The following ELMOD1 variants were observed in gnomAD, a reference collection of about 807,000 sequenced individuals.
ELMOD1 encodes the protein ELMO domain containing 1.
Under a neutral mutation model 46.7 loss-of-function variants are expected in ELMOD1, and 21 were observed. The ratio of observed to expected loss-of-function variants is 0.45; its 90% CI spans 0.32 to 0.65. ELMOD1 has a LOEUF of 0.65. ELMOD1 is among the 30% of genes least tolerant of loss of function. The pLI, the probability that ELMOD1 is intolerant of heterozygous loss-of-function variation, is 0.04. For missense variants in ELMOD1, 348 were observed against 407.8 expected (o/e 0.85, Z 1.26); for synonymous variants, 122 against 138.2 (o/e 0.88, Z 0.82).
At chr11:107,642,075 C>T (rs1866333857) in intron 6 of ELMOD1, among the ~76,000 whole-genome samples, 1 of 151,108 alleles carries the variant, frequency 6.6e-6, no homozygotes, top group Non-Finnish European at 1.5e-5. Flanking sequence ...TCCCAAGTAG[C>T]TGGGATTACA....
chr11:107,662,969 T>G (rs983612680), intron 11 of ELMOD1, among the ~76,000 whole-genome samples: 3 of 151,250 alleles, frequency 2.0e-5, no homozygotes, highest in Admixed American at 2.0e-4. Context: ...CCTCAAGTGA[T>G]CCTCCTGCCT....
At chr11:107,598,797 G>T (rs1259478615) in intron 1 of ELMOD1, among the ~76,000 whole-genome samples, 2 of 152,232 alleles carry the variant, frequency 1.3e-5, no homozygotes, top group African/African-American at 4.8e-5. Context: ...AGCATTTCAA[G>T]TGTTATTTTT....
rs541926501 is a variant in ELMOD1, at chr11:107,593,873, AAAT to A, written c.-86+2467_-86+2469del. Among the ~76,000 whole-genome samples the A allele has an allele frequency of 2.1e-3, 323 of 152,326 alleles. 1 individual carries two copies. Among genetic ancestry groups the A allele is most frequent in the African/African-American group, 7.5e-3 (310 of 41,574 alleles). The stretch of plus-strand genomic sequence containing the variant: ...TTTTTGGGTCATTTATGGGTTGAAA[AAAT>A]AAAGTGGAGCAGAAATCATATGCTG... On this transcript the variant is annotated intron_variant, in intron 1 of 11. Coordinates refer to ENST00000265840, the MANE Select transcript of ELMOD1 (RefSeq NM_018712.4).
chr11:107,662,450 A>C (rs1866756509), intron 11 of ELMOD1, among the ~76,000 whole-genome samples: 1 of 152,100 alleles, frequency 6.6e-6, no homozygotes, highest in Non-Finnish European at 1.5e-5. Flanking sequence ...GTCTCTACTA[A>C]AAATACAAAA....
intron 1 of ELMOD1, among the ~76,000 whole-genome samples, chr11:107,613,015 C>A (rs1865805152): frequency 6.6e-6 from 1 of 152,086 alleles, no homozygotes; most frequent in South Asian, 2.1e-4. Flanking sequence ...TCACTTTTCC[C>A]ATTCAATCAG....
At chr11:107,653,712 T>C (rs1359851787) in intron 9 of ELMOD1, 1 of 151,458 alleles carries the variant, frequency 6.6e-6, no homozygotes, top group Admixed American at 6.6e-5. Flanking sequence ...TCGATGAACA[T>C]TTATTTGGCA....
At chr11:107,638,693 T>C (rs950283075) in intron 6 of ELMOD1, among the ~76,000 whole-genome samples, 3 of 152,224 alleles carry the variant, frequency 2.0e-5, no homozygotes, top group African/African-American at 7.2e-5. Context: ...AAATTTGGCA[T>C]ACCACCCATT....
intron 2 of ELMOD1, 21 bp from the exon 3 acceptor site, chr11:107,630,396 G>A: frequency 6.3e-7 from 1 of 1,582,194 alleles, no homozygotes; most frequent in Non-Finnish European, 8.6e-7. Flanking sequence ...TTGGAAGGGT[G>A]CTGTGTTTTG....
At chr11:107,606,724 A>G (rs942243285) in intron 1 of ELMOD1, among the ~76,000 whole-genome samples, 45 of 151,886 alleles carry the variant, frequency 3.0e-4, no homozygotes, top group Non-Finnish European at 6.0e-4. Flanking sequence ...AATCCCAGCT[A>G]CTCGGGAGGC....
chr11:107,622,296 G>T (rs1591114588), intron 2 of ELMOD1, among the ~76,000 whole-genome samples: 1 of 152,216 alleles, frequency 6.6e-6, no homozygotes, highest in East Asian at 1.9e-4. Flanking sequence ...ATAAGCACTA[G>T]TGGTCCAAGT....
rs550865138 is a variant in ELMOD1, at chr11:107,654,906, A to AT, written c.698+692dup. Among the ~76,000 whole-genome samples the AT allele has an allele frequency of 4.2e-4, 64 of 152,050 alleles. 1 individual carries two copies. The highest frequency in any genetic ancestry group is 1.5e-3 in the African/African-American group (64 of 41,492). ...ATCCAAAAATATTTCTGAATAGAGA[A>AT]TTTTTTTTCTGTGCTGGATTTATAT... is the stretch of plus-strand genomic sequence containing the variant. On this transcript the variant is annotated intron_variant, in intron 10 of 11. Coordinates refer to ENST00000265840, the MANE Select transcript of ELMOD1 (RefSeq NM_018712.4).
intron 11 of ELMOD1, among the ~76,000 whole-genome samples, chr11:107,657,315 G>A (rs1036323504): frequency 6.6e-6 from 1 of 152,114 alleles, no homozygotes; most frequent in South Asian, 2.1e-4. Flanking sequence ...AGGCTGAGGC[G>A]GGAAGATTAC....
chr11:107,650,537 A>T (rs1866508503), intron 8 of ELMOD1, 134 bp downstream of exon 8: 2 of 714,902 alleles, frequency 2.8e-6, no homozygotes, highest in East Asian at 5.5e-5. Context: ...CCTTGTAATA[A>T]ATGCTGAGTT....
intron 1 of ELMOD1, among the ~76,000 whole-genome samples, chr11:107,609,228 T>C (rs1865736714): frequency 6.6e-6 from 1 of 152,236 alleles, no homozygotes; most frequent in South Asian, 2.1e-4. Context: ...AACTTTAAGC[T>C]AAGACTTAAC....
chr11:107,628,207 G>A (rs957112923), intron 2 of ELMOD1, among the ~76,000 whole-genome samples: 34 of 151,586 alleles, frequency 2.2e-4, no homozygotes, highest in Admixed American at 1.3e-3. Context: ...TTGCTCTGTC[G>A]CCAGGCTGGA....
chr11:107,662,382 G>A (rs369231366), intron 11 of ELMOD1, among the ~76,000 whole-genome samples: 8 of 151,878 alleles, frequency 5.3e-5, no homozygotes, highest in East Asian at 2.0e-4. Context: ...AGGCTGAGGC[G>A]GGCGGATCAC....
chr11:107,596,023 G>C (rs1350310030), intron 1 of ELMOD1, among the ~76,000 whole-genome samples: 2 of 151,974 alleles, frequency 1.3e-5, no homozygotes, highest in Non-Finnish European at 2.9e-5. Context: ...AGCTTGTTAA[G>C]CCTTTTTAAA....
chr11:107,602,726 CTTT>C (rs71047612), intron 1 of ELMOD1, among the ~76,000 whole-genome samples: 1 of 144,644 alleles, frequency 6.9e-6, no homozygotes, highest in Non-Finnish European at 1.5e-5. Flanking sequence ...TTCAGATTCC[CTTT>C]TTTTTTTTTC....
At chr11:107,658,231 T>C (rs1037511785) in intron 11 of ELMOD1, among the ~76,000 whole-genome samples, 2 of 152,164 alleles carry the variant, frequency 1.3e-5, no homozygotes, top group African/African-American at 4.8e-5. Context: ...CTGCTTTTTT[T>C]TGTTTTGGGG....
Sources: allele counts gnomAD v4.1 joint callset (sites outside exome capture counted in the v4.1 genomes callset), GRCh38; gene constraint gnomAD v4.1.1; transcripts MANE v1.5; gene names NCBI Gene and HGNC (gene_info 2026-07-23, HGNC 2026-07-21).